Variants in KRT20 observed in about 807,000 individuals in gnomAD.
KRT20 encodes keratin, type I cytoskeletal 20.
In KRT20, 41 loss-of-function variants were observed where a neutral mutation model predicts 43.0. The ratio of observed to expected loss-of-function variants is 0.95; its 90% CI spans 0.74 to 1.24. The LOEUF (loss-of-function observed/expected upper bound fraction) is 1.24. Ranked by LOEUF, KRT20 falls within the 50% of genes most tolerant of loss-of-function variation. KRT20 has a pLI of 0.00. For synonymous variants in KRT20, 207 were observed against 200.6 expected (o/e 1.03, Z -0.27); for missense variants, 533 against 521.2 (o/e 1.02, Z -0.22).
At chr17:40,877,958 A>T (rs1185503559) in intron 6 of KRT20, among the ~76,000 whole-genome samples, 187 bp downstream of exon 6, 4 of 152,016 alleles carry the variant, frequency 2.6e-5, no homozygotes, top group African/African-American at 4.8e-5. Context: ...TCAAGGCTGT[A>T]CTTGATATTT....
At chr17:40,876,968 C>T (rs540878461) in intron 7 of KRT20, among the ~76,000 whole-genome samples, 88 of 152,202 alleles carry the variant, frequency 5.8e-4, no homozygotes, top group East Asian at 2.1e-3. Flanking sequence ...TTGGGAGGTG[C>T]GGCCTAGTAA....
chr17:40,879,906 A>G lies in KRT20; in HGVS notation c.825T>C (p.Asn275=). 6.2e-7 allele frequency: 1 copy of G among 1,613,890 alleles called. No individual in the cohort carries two copies. ...CCTCAGTTCCTTTTAATTCTTCAGT[A>G]TTCACTGTGACCTGTTGCTGCAGAA... ...TAVLQQQVTV[N]TEELKGTEVQ... is the part of the protein sequence containing the mutation. Residue 275 remains asparagine (N), a synonymous_variant, in exon 5 of 8, where the codon AAT becomes AAC. Coordinates refer to ENST00000167588, the MANE Select transcript of KRT20 (RefSeq NM_019010.3).
intron 1 of KRT20, among the ~76,000 whole-genome samples, chr17:40,883,760 C>G (rs920876140): frequency 6.6e-6 from 1 of 152,168 alleles, no homozygotes; most frequent in Non-Finnish European, 1.5e-5. Flanking sequence ...GTCAGAAACA[C>G]GAGACAGGTG....
chr17:40,880,712 T>C lies in KRT20; in HGVS notation c.532A>G (p.Lys178Glu). Reference sequence around the variant, plus strand: ...TGTAGGGTTAGGTCATCAAAGACCTTATTCAGGCCTTGGAGATCAGCTTCC... The same window carrying C: ...TGTAGGGTTAGGTCATCAAAGACCTCATTCAGGCCTTGGAGATCAGCTTCC... ...TVEADLQGLN[K>E]VFDDLTLHKT... is the part of the protein sequence containing the mutation. Residue 178 changes from lysine (K) to glutamate (E), a missense_variant, in exon 3 of 8, where the codon AAG (lysine) becomes GAG (glutamate). Transcript: ENST00000167588. The C allele has an allele frequency of 6.2e-7, 1 of 1,602,274 alleles. No individual in the cohort carries two copies. Among genetic ancestry groups the C allele is most frequent in the Non-Finnish European group, 8.5e-7 (1 of 1,174,526 alleles).
At chr17:40,879,606 ACT>A (rs1325631004) in intron 5 of KRT20, among the ~76,000 whole-genome samples, 2 of 151,892 alleles carry the variant, frequency 1.3e-5, no homozygotes, top group Non-Finnish European at 2.9e-5. Flanking sequence ...TTCCAGATTT[ACT>A]CTTTCCTCTG....
chr17:40,883,078 A>T (rs1217666216), intron 1 of KRT20, among the ~76,000 whole-genome samples: 1 of 152,198 alleles, frequency 6.6e-6, no homozygotes, highest in Non-Finnish European at 1.5e-5. Context: ...AGTGACTATT[A>T]TGTCAAAAAT....
intron 6 of KRT20, 123 bp downstream of exon 6, chr17:40,878,022 A>G (rs1465688277): frequency 1.2e-6 from 1 of 816,182 alleles, no homozygotes; most frequent in Non-Finnish European, 2.0e-6. Flanking sequence ...GTGGTGAGGC[A>G]TGTGTGAGTA....
chr17:40,877,497 T>C lies in KRT20; in HGVS notation c.1140-80A>G, dbSNP rs1907400942. The C allele has an allele frequency of 6.2e-6, 5 of 810,358 alleles. No homozygotes were observed. In the East Asian group the frequency reaches 1.4e-4, roughly 23 times the overall value. The allele number at this position is 810,358 out of a possible 1,614,324, so 50.2% of individuals were successfully genotyped here. On this transcript the variant is annotated intron_variant, in intron 6 of 7. Transcript: ENST00000167588. ...CTGTTTTGAAAATGGAATGCACTCC[T>C]GTCTTTTATATTTCAAAGTCCAAGT...
rs1355767137 is a variant in KRT20, at chr17:40,884,834, T to C, written c.352A>G (p.Ser118Gly). The C allele has an allele frequency of 6.2e-7, 1 of 1,614,206 alleles. No individual in the cohort carries two copies. The highest frequency in any genetic ancestry group is 1.7e-5 in the Admixed American group (1 of 60,030). The change falls in exon 1 of 8, where the codon AGT becomes GGT. Residue 118 changes from serine (S) to glycine (G), a missense_variant. Transcript: ENST00000167588. ...TNAPRAGRDY[S>G]AYYRQIEELR... ...TCTTCAATTTGTCTGTAATATGCAC[T>C]GTAGTCGCGACCAGCCCTCGGGGCG...
At position 40,880,775 on chromosome 17, in the gene KRT20, GAATT is replaced by G; in HGVS notation, c.474-9_474-6del. Reference sequence around the variant, plus strand: ...ATTCCTCTCTCAGTCTCATACCTGTGAATTAATTAGTGTACAGAGATAACTGGTC... The same window carrying G: ...ATTCCTCTCTCAGTCTCATACCTGTGAATTAGTGTACAGAGATAACTGGTC... On this transcript the variant is annotated splice_polypyrimidine_tract_variant and splice_region_variant and intron_variant, in intron 2 of 7. Coordinates refer to ENST00000167588, the MANE Select transcript of KRT20 (RefSeq NM_019010.3). 1 of 1,517,748 alleles carries G rather than the reference GAATT, an allele frequency of 6.6e-7. No individual in the cohort carries two copies. The highest frequency in any genetic ancestry group is 2.3e-5 in the East Asian group (1 of 43,282). The allele number at this position is 1,517,748 out of a possible 1,614,324, so 94.0% of individuals were successfully genotyped here.
In KRT20 at chr17:40,878,149, C is replaced by A. The variant is rs201795565; in HGVS notation, c.1135G>T (p.Val379Leu). ...CCTTGATTCTAAGAGCCTTACTTTA[C>A]GTCTTCTCCTTCCAGAAGGCGGCGG... ...TYRRLLEGED[V>L]KTTEYQLSTL... The change falls in exon 6 of 8, where the codon GTA (valine) becomes TTA (leucine). Residue 379 changes from valine (V) to leucine (L), a missense_variant. Coordinates refer to ENST00000167588, the MANE Select transcript of KRT20 (RefSeq NM_019010.3). 2 of 1,612,802 alleles carry A rather than the reference C, an allele frequency of 1.2e-6. No homozygotes were observed. The highest frequency in any genetic ancestry group is 4.5e-5 in the East Asian group (2 of 44,868).
chr17:40,880,751 T>C lies in KRT20; in HGVS notation c.493A>G (p.Ile165Val). ...AGATCAGCTTCCACTGTTAGACGTA[T>C]TCCTCTCTCAGTCTCATACCTGTGA... ...FRLKYETERG[I>V]RLTVEADLQG... Residue 165 changes from isoleucine (I) to valine (V), a missense_variant, in exon 3 of 8, where the codon ATA becomes GTA. By Grantham distance (29) the Ile-to-Val change is conservative (BLOSUM62 3). Transcript: ENST00000167588. 1 of 1,562,392 alleles carries C rather than the reference T, an allele frequency of 6.4e-7. No homozygotes were observed. Among genetic ancestry groups the C allele is most frequent in the South Asian group, 1.2e-5 (1 of 82,364 alleles).
At position 40,884,990 on chromosome 17, in the gene KRT20, A is replaced by T. The variant is rs373229161; in HGVS notation, c.196T>A (p.Phe66Ile). Residue 66 changes from phenylalanine to isoleucine, a missense_variant, in exon 1 of 8, where the codon TTT becomes ATT. Physicochemically the swap from Phe to Ile is conservative, Grantham distance 21. Transcript: ENST00000167588. ...ATGGCCATTTTCTCATTGCCAACAA[A>T]CAGGTCCCCGCCGCCTGTGAGATCG... ...GSDLTGGGDL[F>I]VGNEKMAMQN... The T allele has an allele frequency of 1.2e-6, 2 of 1,614,182 alleles. No homozygotes were observed. Among genetic ancestry groups the T allele is most frequent in the African/African-American group, 1.3e-5 (1 of 75,020 alleles).
intron 2 of KRT20, chr17:40,882,369 T>A (rs1907634945): frequency 3.5e-6 from 1 of 288,764 alleles, no homozygotes; most frequent in South Asian, 1.6e-4. Flanking sequence ...TTTAGTTACA[T>A]GCCGGGGGAT....
At chr17:40,877,831 G>T (rs1220739933) in intron 6 of KRT20, among the ~76,000 whole-genome samples, 3 of 151,972 alleles carry the variant, frequency 2.0e-5, no homozygotes, top group Non-Finnish European at 2.9e-5. Flanking sequence ...ATTTCCAAAA[G>T]GTTATTATGC....
intron 1 of KRT20, 74 bp downstream of exon 1, chr17:40,884,722 T>A (rs1949597114): frequency 4.7e-6 from 7 of 1,498,412 alleles, no homozygotes; most frequent in Non-Finnish European, 6.3e-6. Context: ...CATTTGGACC[T>A]ACCTAACATA....
intron 6 of KRT20, 40 bp from the exon 7 acceptor site, chr17:40,877,457 A>T (rs1907399018): frequency 7.5e-7 from 1 of 1,324,990 alleles, no homozygotes; most frequent in African/African-American, 1.5e-5. Context: ...AAAGAAACAG[A>T]AAAAAGCATT....
At chr17:40,877,103 G>A (rs923522388) in intron 7 of KRT20, among the ~76,000 whole-genome samples, 2 of 152,122 alleles carry the variant, frequency 1.3e-5, no homozygotes, top group Non-Finnish European at 2.9e-5. Flanking sequence ...TTGCTCTCTG[G>A]TTCTCATGGA....
At position 40,882,649 on chromosome 17, in the gene KRT20, C is replaced by G. The variant is rs111256624; in HGVS notation, c.396G>C (p.Lys132Asn). ...ACCGAGCATTTTGCAGTTGAGCATC[C>G]TTAATCTGGAAAATACATGAGAAAG... ...RQIEELRSQIKDAQLQNARCV... is the reference protein window; with the variant it reads ...RQIEELRSQINDAQLQNARCV... The change falls in exon 2 of 8, where the codon AAG (lysine) becomes AAC (asparagine). Residue 132 changes from lysine to asparagine, a missense_variant. Coordinates refer to ENST00000167588, the MANE Select transcript of KRT20 (RefSeq NM_019010.3). 1.3e-6 allele frequency: 2 copies of G among 1,482,774 alleles called. No homozygotes were observed. The highest frequency in any genetic ancestry group is 9.0e-7 in the Non-Finnish European group (1 of 1,105,920). 91.9% of individuals were successfully genotyped at this position (1,482,774 alleles called of 1,614,324 possible). A position where few individuals can be genotyped will look rare whatever the true frequency, so the allele number is the denominator to read the frequency against.
Sources: allele counts gnomAD v4.1 joint callset (sites outside exome capture counted in the v4.1 genomes callset), GRCh38; gene constraint gnomAD v4.1.1; transcripts MANE v1.5; gene names NCBI Gene and HGNC (gene_info 2026-07-23, HGNC 2026-07-21).